GPC5: variants seen among roughly 807,000 people sequenced by gnomAD.
GPC5 encodes the protein glypican-5.
In GPC5, 47 loss-of-function variants were observed where a neutral mutation model predicts 53.9. That is an observed-to-expected ratio of 0.87 (90% CI 0.69 to 1.11). GPC5 has a LOEUF of 1.11. GPC5 is among the 50% of genes most tolerant of loss of function. GPC5 has a pLI of 0.00. For missense variants in GPC5, 748 were observed against 713.1 expected (o/e 1.05, Z -0.56); for synonymous variants, 286 against 263.3 (o/e 1.09, Z -0.84).
intron 7 of GPC5, among the ~76,000 whole-genome samples, chr13:92,786,086 T>C (rs1378763428): frequency 1.3e-5 from 2 of 152,176 alleles, no homozygotes; most frequent in African/African-American, 2.4e-5. Flanking sequence ...TTGGAAAGTG[T>C]AGAGCTCATC....
chr13:91,455,207 AG>A (rs201317631), intron 2 of GPC5, among the ~76,000 whole-genome samples: 1,758 of 152,088 alleles, frequency 0.012, 37 homozygotes, highest in African/African-American at 0.041. Flanking sequence ...TTGTTTCTCC[AG>A]GGTTCACACA....
chr13:92,362,940 A>G (rs1327369761), intron 7 of GPC5, among the ~76,000 whole-genome samples: 1 of 151,682 alleles, frequency 6.6e-6, no homozygotes, highest in Admixed American at 6.5e-5. Flanking sequence ...TTTTCAGGCT[A>G]TTGCACAGGA....
intron 7 of GPC5, among the ~76,000 whole-genome samples, chr13:92,518,289 ACTC>A (rs1880875734): frequency 6.6e-6 from 1 of 152,074 alleles, no homozygotes; most frequent in Non-Finnish European, 1.5e-5. Context: ...CCACAAAGAT[ACTC>A]CTCAAGAAGA....
intron 6 of GPC5, among the ~76,000 whole-genome samples, chr13:92,116,890 TTGA>T (rs2041606029): frequency 6.6e-6 from 1 of 152,192 alleles, no homozygotes; most frequent in South Asian, 2.1e-4. Flanking sequence ...TTTTGTTGGG[TTGA>T]TGGTTTCTTT....
intron 7 of GPC5, among the ~76,000 whole-genome samples, chr13:92,753,119 C>T (rs1421057488): frequency 6.6e-6 from 1 of 152,182 alleles, no homozygotes; most frequent in African/African-American, 2.4e-5. Flanking sequence ...CAGTGGTTCT[C>T]CCAGCACTCA....
chr13:92,715,811 G>A (rs1888309612), intron 7 of GPC5, among the ~76,000 whole-genome samples: 1 of 152,170 alleles, frequency 6.6e-6, no homozygotes, highest in African/African-American at 2.4e-5. Context: ...CCACGGTGAT[G>A]GACAAGGGCT....
chr13:92,351,762 T>C (rs1594124363), intron 7 of GPC5, among the ~76,000 whole-genome samples: 2 of 152,204 alleles, frequency 1.3e-5, no homozygotes, highest in South Asian at 4.1e-4. Flanking sequence ...CTTAAAATTG[T>C]ATGAGAGAAT....
chr13:92,485,967 A>C (rs2139438955), intron 7 of GPC5, among the ~76,000 whole-genome samples: 1 of 152,340 alleles, frequency 6.6e-6, no homozygotes, highest in African/African-American at 2.4e-5. Flanking sequence ...ACTCTGTCTC[A>C]AAGAAAAGAA....
intron 7 of GPC5, among the ~76,000 whole-genome samples, chr13:92,274,493 G>A (rs2042861788): frequency 6.6e-6 from 1 of 152,046 alleles, no homozygotes; most frequent in African/African-American, 2.4e-5. Context: ...TCATTGTTCA[G>A]GATCTTTAAA....
Position 92,757,268 on chromosome 13 carries a change from G to C in GPC5, c.1562-109014G>C, listed in dbSNP as rs1874925570. Among the ~76,000 whole-genome samples the C allele has an allele frequency of 2.6e-5, 4 of 152,194 alleles. No homozygotes were observed. The South Asian group carries it at 8.3e-4, about 32-fold the overall frequency. On this transcript the variant is annotated intron_variant, in intron 7 of 7. Coordinates refer to ENST00000377067, the MANE Select transcript of GPC5 (RefSeq NM_004466.6). The stretch of plus-strand genomic sequence containing the variant: ...TTTAATAAATGGTGCTGGGAAAACT[G>C]GCTAGCCATATGTAGAAAGCTGAAA...
chr13:91,409,279 T>G (rs905886361), intron 1 of GPC5, among the ~76,000 whole-genome samples: 1 of 152,152 alleles, frequency 6.6e-6, no homozygotes, highest in South Asian at 2.1e-4. Flanking sequence ...AAAGTCATTT[T>G]TAAAAAAGGT....
chr13:91,896,820 C>T (rs1402501382), intron 5 of GPC5, among the ~76,000 whole-genome samples: 2 of 152,158 alleles, frequency 1.3e-5, no homozygotes, highest in African/African-American at 4.8e-5. Flanking sequence ...CCAAGTCCTG[C>T]TGTTTTCTGT....
rs1555333961 is a variant in GPC5 at position 91,650,750 on chromosome 13, G to GTTTTGTTTTGTTTTTTT, written c.326-42433_326-42432insGTTTTGTTTTTTTTTTT. On this transcript the variant is annotated intron_variant, in intron 2 of 7. Transcript: ENST00000377067. ...CATCTGTGAAACAAAATTCCCATAA[G>GTTTTGTTTTGTTTTTTT]TTTTTTTTTTTTTTTTTTTTTTAGC... Among the ~76,000 whole-genome samples, 440 of 99,562 alleles carry GTTTTGTTTTGTTTTTTT rather than the reference G, an allele frequency of 4.4e-3. 10 individuals are homozygous for GTTTTGTTTTGTTTTTTT. The highest frequency in any genetic ancestry group is 0.017 in the African/African-American group (413 of 24,630). The allele number at this position is 99,562 out of a possible 152,430, so 65.3% of individuals were successfully genotyped here. A position where few individuals can be genotyped will look rare whatever the true frequency, so the allele number is the denominator to read the frequency against.
chr13:91,598,656 A>G (rs963878174), intron 2 of GPC5, among the ~76,000 whole-genome samples: 3 of 152,052 alleles, frequency 2.0e-5, no homozygotes, highest in South Asian at 2.1e-4. Flanking sequence ...TCTAAATGTC[A>G]TATACTTTTA....
intron 7 of GPC5, among the ~76,000 whole-genome samples, chr13:92,310,636 A>G (rs2043139205): frequency 6.6e-6 from 1 of 152,220 alleles, no homozygotes; most frequent in Non-Finnish European, 1.5e-5. Context: ...CAGACTAGCC[A>G]TATCATAGAA....
At chr13:91,518,839 C>T (rs986625031) in intron 2 of GPC5, among the ~76,000 whole-genome samples, 1 of 152,186 alleles carries the variant, frequency 6.6e-6, no homozygotes, top group Non-Finnish European at 1.5e-5. Context: ...AGGTGTGAGC[C>T]ACCACACCCG....
At chr13:92,776,403 A>C (rs1185665625) in intron 7 of GPC5, among the ~76,000 whole-genome samples, 1 of 152,118 alleles carries the variant, frequency 6.6e-6, no homozygotes, top group Non-Finnish European at 1.5e-5. Context: ...CCATTATAAA[A>C]ACCCCTGTGA....
chr13:92,304,189 T>A (rs1388501120), intron 7 of GPC5, among the ~76,000 whole-genome samples: 1 of 151,662 alleles, frequency 6.6e-6, no homozygotes, highest in African/African-American at 2.4e-5. Context: ...GGCTTTGATA[T>A]GACCATTTAC....
At chr13:91,590,149 C>A (rs1023495264) in intron 2 of GPC5, among the ~76,000 whole-genome samples, 6 of 151,378 alleles carry the variant, frequency 4.0e-5, no homozygotes, top group Admixed American at 2.0e-4. Context: ...AGAAAAAGTT[C>A]TTTATTTTTA....
Sources: gnomAD v4.1 joint callset for allele counts (sites outside exome capture counted in the v4.1 genomes callset) on GRCh38, gnomAD v4.1.1 for gene constraint, MANE v1.5 for transcripts, NCBI Gene and HGNC (gene_info 2026-07-23, HGNC 2026-07-21) for gene names.